MEIG1: variants seen among roughly 807,000 people sequenced by gnomAD.
The protein encoded by MEIG1 is meiosis/spermiogenesis associated 1.
A neutral mutation model predicts 11.3 loss-of-function variants in MEIG1; 12 were observed. The observed-to-expected ratio is 1.07, with a 90% CI of 0.68 to 1.73. The LOEUF is 1.73. Among genes scored for constraint, MEIG1 ranks in the 40% most tolerant of loss-of-function variants. MEIG1 has a pLI of 0.00. For synonymous variants in MEIG1, 41 were observed against 33.2 expected, an observed-to-expected ratio of 1.24 and a Z score of -0.81; for missense variants, 119 against 104.9, an observed-to-expected ratio of 1.13 and a Z score of -0.59.
downstream of MEIG1, among the ~76,000 whole-genome samples, chr10:14,975,671 A>G (rs1359551639): frequency 6.6e-6 from 1 of 151,984 alleles, no homozygotes; most frequent in Non-Finnish European, 1.5e-5. Flanking sequence ...ATGATCCTTA[A>G]TATTCCAAGG....
At chr10:14,954,764 A>T (rs1302848253), upstream of MEIG1, among the ~76,000 whole-genome samples, 1 of 152,092 alleles carries the variant, frequency 6.6e-6, no homozygotes, top group African/African-American at 2.4e-5. Flanking sequence ...AAAGGTCTAA[A>T]ATTTTTTAAC....
At chr10:14,971,782 G>T (rs1574041) in intron 2 of MEIG1, among the ~76,000 whole-genome samples, 101,059 of 152,010 alleles carry the variant, frequency 0.66, 33,801 homozygotes, top group Admixed American at 0.69. Flanking sequence ...TAGATTACTT[G>T]GAATGTTTTG....
chr10:14,955,027 G>T (rs1842902868), upstream of MEIG1, among the ~76,000 whole-genome samples: 1 of 152,192 alleles, frequency 6.6e-6, no homozygotes, highest in Admixed American at 6.5e-5. Flanking sequence ...CGCCTCCCGG[G>T]TTCAGGCGAT....
At chr10:14,955,092 T>C (rs764430800), upstream of MEIG1, among the ~76,000 whole-genome samples, 4 of 152,150 alleles carry the variant, frequency 2.6e-5, no homozygotes, top group Non-Finnish European at 5.9e-5. Flanking sequence ...CCGCCACGCC[T>C]GGCTCATTTT....
intron 1 of MEIG1, among the ~76,000 whole-genome samples, chr10:14,960,673 C>G (rs1843002553): frequency 6.6e-6 from 1 of 151,932 alleles, no homozygotes; most frequent in South Asian, 2.1e-4. Context: ...CCGCCTCGGT[C>G]TCCCAAAGTG....
chr10:14,973,013 G>A (rs187590332), downstream of MEIG1, among the ~76,000 whole-genome samples: 29 of 152,156 alleles, frequency 1.9e-4, no homozygotes, highest in Non-Finnish European at 3.5e-4. Context: ...TTACAGGTGT[G>A]CACTACCATA....
intron 1 of MEIG1, among the ~76,000 whole-genome samples, chr10:14,982,689 CAAGG>C (rs964005276): frequency 2.4e-4 from 37 of 152,002 alleles, no homozygotes; most frequent in African/African-American, 8.7e-4. Flanking sequence ...GACGAGCTGC[CAAGG>C]GAGGGGTGGA....
At chr10:14,987,937 C>G (rs1409984566) in exon 3 of MEIG1, 2 of 153,094 alleles carry the variant, frequency 1.3e-5, no homozygotes, top group East Asian at 3.8e-4. Flanking sequence ...CGAAATCGAA[C>G]CTTATAGTTC....
chr10:14,960,344 G>A (rs1842997914), intron 1 of MEIG1, among the ~76,000 whole-genome samples: 1 of 152,170 alleles, frequency 6.6e-6, no homozygotes, highest in Admixed American at 6.5e-5. Flanking sequence ...AGGGAATTTG[G>A]GTGGCTGGCT....
chr10:14,981,923 T>C (rs189513648), intron 1 of MEIG1, among the ~76,000 whole-genome samples: 142 of 152,234 alleles, frequency 9.3e-4, no homozygotes, highest in African/African-American at 3.3e-3. Flanking sequence ...CTGACCTCCA[T>C]TCTCTTTGCG....
chr10:14,984,879 G>A (rs546229067), intron 1 of MEIG1, among the ~76,000 whole-genome samples: 23 of 151,930 alleles, frequency 1.5e-4, no homozygotes, highest in African/African-American at 5.6e-4. Context: ...CACAGGTCCT[G>A]TACACGCTTC....
At chr10:14,985,847 T>G (rs1286975441) in intron 1 of MEIG1, among the ~76,000 whole-genome samples, 1 of 152,056 alleles carries the variant, frequency 6.6e-6, no homozygotes, top group Non-Finnish European at 1.5e-5. Context: ...GTATACCCTG[T>G]GATAGTATTC....
intron 1 of MEIG1, among the ~76,000 whole-genome samples, chr10:14,965,681 A>G (rs1220074307): frequency 1.6e-5 from 1 of 61,102 alleles, no homozygotes; most frequent in Non-Finnish European, 3.8e-5. Context: ...TTTTTGAGAG[A>G]GAGAGAGAGA....
At chr10:14,985,793 G>A (rs997777235) in intron 1 of MEIG1, among the ~76,000 whole-genome samples, 3 of 151,996 alleles carry the variant, frequency 2.0e-5, no homozygotes, top group Non-Finnish European at 4.4e-5. Context: ...TAATCCCCTA[G>A]AGAGATATTA....
intron 2 of MEIG1, among the ~76,000 whole-genome samples, chr10:14,967,504 A>ATT (rs34624834): frequency 2.2e-5 from 3 of 135,292 alleles, no homozygotes; most frequent in African/African-American, 5.5e-5. Flanking sequence ...CTACTAAGAT[A>ATT]TTTTTTTTTT....
downstream of MEIG1, among the ~76,000 whole-genome samples, chr10:14,974,815 T>C (rs1843193723): frequency 1.3e-5 from 2 of 151,966 alleles, no homozygotes. Context: ...CTCTTAATAA[T>C]TAATATTAAT....
intron 1 of MEIG1, among the ~76,000 whole-genome samples, chr10:14,983,312 C>T (rs7084066): frequency 0.62 from 94,657 of 151,920 alleles, 30,746 homozygotes; most frequent in African/African-American, 0.82. Context: ...GCAGGAAGTG[C>T]ACAACCCTTC....
upstream of MEIG1, among the ~76,000 whole-genome samples, chr10:14,958,624 C>G (rs533029108): frequency 6.6e-6 from 1 of 152,156 alleles, no homozygotes; most frequent in South Asian, 2.1e-4. Flanking sequence ...TGGCCGGGCG[C>G]GGTGGCTCAC....
downstream of MEIG1, among the ~76,000 whole-genome samples, chr10:14,974,392 T>C (rs188369446): frequency 7.2e-5 from 11 of 152,246 alleles, no homozygotes; most frequent in Middle Eastern, 3.4e-3. Flanking sequence ...CTTGTGGCTT[T>C]TCGGTAGAGG....
Sources: allele counts gnomAD v4.1 joint callset (sites outside exome capture counted in the v4.1 genomes callset), GRCh38; gene constraint gnomAD v4.1.1; transcripts MANE v1.5; gene names NCBI Gene and HGNC (gene_info 2026-07-23, HGNC 2026-07-21).